PDE7A: variants seen among roughly 807,000 people sequenced by gnomAD.
PDE7A encodes the protein high affinity 3',5'-cyclic-AMP phosphodiesterase 7A.
PDE7A carries 39 observed loss-of-function variants against 64.3 expected under a neutral mutation model. The ratio of observed to expected loss-of-function variants is 0.61; its 90% CI spans 0.47 to 0.79. The LOEUF (loss-of-function observed/expected upper bound fraction) is 0.79. Among genes scored for constraint, PDE7A ranks in the 30% least tolerant of loss-of-function variants. The pLI, the probability that PDE7A is intolerant of heterozygous loss-of-function variation, is 0.00. For missense variants in PDE7A, 470 were observed against 582.8 expected, an observed-to-expected ratio of 0.81 and a Z score of 1.99; for synonymous variants, 203 against 206.8, an observed-to-expected ratio of 0.98 and a Z score of 0.16.
intron 12 of PDE7A, among the ~76,000 whole-genome samples, chr8:65,721,035 G>A (rs962671108): frequency 6.6e-6 from 1 of 152,108 alleles, no homozygotes; most frequent in Non-Finnish European, 1.5e-5. Flanking sequence ...ATCACTTCTG[G>A]CTCTACGTTA....
At chr8:65,811,433 C>T (rs955489232) in intron 1 of PDE7A, among the ~76,000 whole-genome samples, 5 of 152,232 alleles carry the variant, frequency 3.3e-5, no homozygotes, top group Non-Finnish European at 7.3e-5. Flanking sequence ...CTCCCACCCG[C>T]CCATCTCCTG....
intron 1 of PDE7A, among the ~76,000 whole-genome samples, chr8:65,796,950 A>G (rs28811317): frequency 3.3e-5 from 5 of 152,196 alleles, no homozygotes; most frequent in African/African-American, 1.2e-4. Flanking sequence ...ACCCTACAAA[A>G]GAGCTACTGG....
chr8:65,840,653 C>A lies in PDE7A; in HGVS notation c.138+718G>T, dbSNP rs891174578. Among the ~76,000 whole-genome samples, 7 of 152,354 alleles carry A rather than the reference C, an allele frequency of 4.6e-5. No individual in the cohort carries two copies. The East Asian group carries it at 1.2e-3, about 25-fold the overall frequency. Reference sequence around the variant, plus strand: ...AGCCAAACCTAAGGAATTGGGCCAACGGCATCACCACAGGAAAAAAACAGA... The same window carrying A: ...AGCCAAACCTAAGGAATTGGGCCAAAGGCATCACCACAGGAAAAAAACAGA... On this transcript the variant is annotated intron_variant, in intron 1 of 12. Transcript: ENST00000401827.
At chr8:65,787,444 C>T (rs1585918244) in intron 1 of PDE7A, among the ~76,000 whole-genome samples, 1 of 152,186 alleles carries the variant, frequency 6.6e-6, no homozygotes, top group East Asian at 1.9e-4. Flanking sequence ...TTTCCTCTGA[C>T]ATAGCAAAAT....
At chr8:65,770,756 A>C (rs1323786553) in intron 3 of PDE7A, among the ~76,000 whole-genome samples, 4 of 152,242 alleles carry the variant, frequency 2.6e-5, no homozygotes, top group Non-Finnish European at 5.9e-5. Flanking sequence ...TAAAGGTGAT[A>C]CATATTACCA....
intron 1 of PDE7A, among the ~76,000 whole-genome samples, chr8:65,787,285 A>C (rs1809584152): frequency 6.6e-6 from 1 of 152,220 alleles, no homozygotes; most frequent in Non-Finnish European, 1.5e-5. Flanking sequence ...GATCTCTATA[A>C]GGTAGGCTTT....
Position 65,719,392 on chromosome 8 carries a change from G to A in PDE7A, c.1347C>T (p.Ala449=). ...GTTCTCTCTGCAGTCCCTTCCAGCT[G>A]GCTTTATTCAGCCCCACGTGTCCAA... ...TMLGHVGLNK[A]SWKGLQREQS... Residue 449 remains alanine (A), a synonymous_variant, in exon 13 of 13, where the codon GCC becomes GCT. Transcript: ENST00000401827. 1 of 1,613,902 alleles carries A rather than the reference G, an allele frequency of 6.2e-7. No homozygotes were observed. The highest frequency in any genetic ancestry group is 1.1e-5 in the South Asian group (1 of 91,076).
intron 1 of PDE7A, among the ~76,000 whole-genome samples, chr8:65,822,917 C>G (rs1810577154): frequency 6.6e-6 from 1 of 151,808 alleles, no homozygotes; most frequent in African/African-American, 2.4e-5. Context: ...AATTTTAAAG[C>G]ACTTATTATC....
intron 5 of PDE7A, among the ~76,000 whole-genome samples, chr8:65,740,014 C>A (rs1375110135): frequency 6.6e-6 from 1 of 152,174 alleles, no homozygotes; most frequent in African/African-American, 2.4e-5. Context: ...GAGCACACTT[C>A]CTTGGCTGCA....
At chr8:65,743,967 G>T (rs1807555233) in intron 5 of PDE7A, among the ~76,000 whole-genome samples, 1 of 152,038 alleles carries the variant, frequency 6.6e-6, no homozygotes, top group Admixed American at 6.6e-5. Context: ...CATGTAGCTA[G>T]GATTAGAGAC....
chr8:65,823,442 T>C (rs1321867731), intron 1 of PDE7A, among the ~76,000 whole-genome samples: 1 of 152,204 alleles, frequency 6.6e-6, no homozygotes, highest in Non-Finnish European at 1.5e-5. Flanking sequence ...CCTTAAAAAC[T>C]TAAAAGTTTC....
At chr8:65,817,393 C>T (rs1270113620) in intron 1 of PDE7A, among the ~76,000 whole-genome samples, 1 of 152,074 alleles carries the variant, frequency 6.6e-6, no homozygotes, top group Non-Finnish European at 1.5e-5. Context: ...CTTACATAAC[C>T]ATGGTACGTT....
chr8:65,781,658 A>G (rs1401524720), intron 2 of PDE7A, among the ~76,000 whole-genome samples: 1 of 152,210 alleles, frequency 6.6e-6, no homozygotes, highest in East Asian at 1.9e-4. Context: ...ACCTGATGAC[A>G]GGAAGAGTGG....
chr8:65,804,792 G>A (rs899922365), intron 1 of PDE7A, among the ~76,000 whole-genome samples: 1 of 152,140 alleles, frequency 6.6e-6, no homozygotes, highest in Non-Finnish European at 1.5e-5. Flanking sequence ...ACCCGCCTCG[G>A]CCTCCCACAG....
chr8:65,720,639 CG>C (rs1806335351), intron 12 of PDE7A: 1 of 152,634 alleles, frequency 6.6e-6, no homozygotes. Context: ...TCCCTCCACA[CG>C]TATTTACTGA....
intron 3 of PDE7A, among the ~76,000 whole-genome samples, chr8:65,756,425 TTC>T (rs138886717): frequency 0.039 from 5,969 of 152,246 alleles, 172 homozygotes; most frequent in Non-Finnish European, 0.06. Context: ...CTCTGTTCAT[TTC>T]TCTTTTTTTT....
intron 1 of PDE7A, among the ~76,000 whole-genome samples, chr8:65,798,206 A>ATATATATATATATATATATTTT: frequency 5.4e-4 from 40 of 73,794 alleles, no homozygotes; most frequent in African/African-American, 2.3e-3. Context: ...ATATATATAT[A>ATATATATATATATATATATTTT]TTTTTTTTTT....
At chr8:65,800,456 T>C (rs371244551) in intron 1 of PDE7A, among the ~76,000 whole-genome samples, 3 of 152,188 alleles carry the variant, frequency 2.0e-5, no homozygotes, top group Admixed American at 6.5e-5. Context: ...TGAAGTATGA[T>C]TTTGCCTGTA....
chr8:65,733,355 T>C (rs1251449402), intron 7 of PDE7A, among the ~76,000 whole-genome samples: 1 of 152,178 alleles, frequency 6.6e-6, no homozygotes. Context: ...GAGAACTTAT[T>C]ACCATCTTTC....
Sources: gnomAD v4.1 joint callset for allele counts (sites outside exome capture counted in the v4.1 genomes callset) on GRCh38, gnomAD v4.1.1 for gene constraint, MANE v1.5 for transcripts, NCBI Gene and HGNC (gene_info 2026-07-23, HGNC 2026-07-21) for gene names.